TBC1D19: variants seen among roughly 807,000 people sequenced by gnomAD.
TBC1D19 encodes the protein TBC1 domain family member 19.
TBC1D19 carries 60 observed loss-of-function variants against 89.0 expected under a neutral mutation model. The ratio of observed to expected loss-of-function variants is 0.67; its 90% confidence interval spans 0.55 to 0.84. The LOEUF (loss-of-function observed/expected upper bound fraction) is 0.84. Ranked by LOEUF, TBC1D19 falls within the 40% of genes least tolerant of loss-of-function variation. The probability of loss-of-function intolerance (pLI) is 0.00; values close to 1 mark genes in which losing one functional copy is unlikely to be tolerated. For missense variants in TBC1D19, 500 were observed against 610.8 expected (o/e 0.82, Z 1.91); for synonymous variants, 189 against 199.7 (o/e 0.95, Z 0.45).
At chr4:26,599,913 A>G (rs1221438973) in intron 1 of TBC1D19, among the ~76,000 whole-genome samples, 2 of 128,346 alleles carry the variant, frequency 1.6e-5, no homozygotes, top group Non-Finnish European at 3.1e-5. Context: ...GCGCCACTGC[A>G]CTCCATCCTG....
intron 8 of TBC1D19, among the ~76,000 whole-genome samples, chr4:26,661,424 A>G (rs1215708356): frequency 6.6e-6 from 1 of 152,204 alleles, no homozygotes; most frequent in Non-Finnish European, 1.5e-5. Context: ...TTGGCTGGCT[A>G]TAAAATTGCC....
At chr4:26,603,839 A>C (rs1472773875) in intron 1 of TBC1D19, among the ~76,000 whole-genome samples, 2 of 152,266 alleles carry the variant, frequency 1.3e-5, no homozygotes. Flanking sequence ...CATTTTAATC[A>C]GTAAGTATAC....
At chr4:26,802,951 T>G in the TBC1D19 span, among the ~76,000 whole-genome samples, 1 of 152,334 alleles carries the variant, frequency 6.6e-6, no homozygotes, top group African/African-American at 2.4e-5. Flanking sequence ...TGTATCCTCA[T>G]GCGGTGGAGG....
chr4:26,742,953 A>T (rs767802415), intron 18 of TBC1D19, among the ~76,000 whole-genome samples: 7 of 152,154 alleles, frequency 4.6e-5, no homozygotes, highest in Admixed American at 6.5e-5. Context: ...TTAATTCAAT[A>T]TAGGCCACAT....
intron 5 of TBC1D19, among the ~76,000 whole-genome samples, chr4:26,638,534 C>A (rs1256880287): frequency 3.3e-5 from 5 of 152,022 alleles, no homozygotes; most frequent in Admixed American, 6.6e-5. Context: ...AGATCACTTA[C>A]CTTCTTTTAT....
At chr4:26,651,357 G>A (rs1744365470) in intron 7 of TBC1D19, among the ~76,000 whole-genome samples, 1 of 152,138 alleles carries the variant, frequency 6.6e-6, no homozygotes, top group Admixed American at 6.6e-5. Flanking sequence ...AGCATGGAAT[G>A]TTCTCCCATT....
At chr4:26,658,935 G>C (rs1241615741) in intron 7 of TBC1D19, among the ~76,000 whole-genome samples, 1 of 152,152 alleles carries the variant, frequency 6.6e-6, no homozygotes, top group Non-Finnish European at 1.5e-5. Flanking sequence ...CATTGATTTT[G>C]TATCCTGAAA....
chr4:26,799,959 CTG>C, the TBC1D19 span, among the ~76,000 whole-genome samples: 5 of 147,946 alleles, frequency 3.4e-5, no homozygotes, highest in African/African-American at 7.4e-5. Flanking sequence ...TTTTAAAAAA[CTG>C]TGTATAGATT....
chr4:26,673,446 T>C (rs5021141), intron 10 of TBC1D19, among the ~76,000 whole-genome samples: 44,402 of 91,580 alleles, frequency 0.48, 10,315 homozygotes, highest in Middle Eastern at 0.56. Flanking sequence ...TATATATATA[T>C]ACACACACAC....
intron 1 of TBC1D19, among the ~76,000 whole-genome samples, chr4:26,607,630 A>G (rs1741095689): frequency 6.6e-6 from 1 of 152,208 alleles, no homozygotes. Context: ...GATTCTGATA[A>G]GCCATATTCA....
At chr4:26,654,034 G>T (rs1025325809) in intron 7 of TBC1D19, among the ~76,000 whole-genome samples, 1 of 152,106 alleles carries the variant, frequency 6.6e-6, no homozygotes, top group African/African-American at 2.4e-5. Context: ...TCCATGTTTA[G>T]TGCTTCCTTC....
At chr4:26,709,888 C>T (rs78694125) in intron 13 of TBC1D19, among the ~76,000 whole-genome samples, 54 of 151,974 alleles carry the variant, frequency 3.6e-4, no homozygotes, top group East Asian at 1.6e-3. Context: ...TAGTTTTATT[C>T]GCCTTTTATA....
the TBC1D19 span, among the ~76,000 whole-genome samples, chr4:26,800,834 G>A: frequency 6.7e-5 from 10 of 149,790 alleles, no homozygotes; most frequent in South Asian, 2.1e-4. Context: ...CATATCCTTC[G>A]CCCACTTTTT....
the TBC1D19 span, among the ~76,000 whole-genome samples, chr4:26,851,343 A>ATCTGTCTGTCTG: frequency 1.3e-5 from 2 of 150,406 alleles, no homozygotes; most frequent in African/African-American, 5.0e-5. Context: ...CTATCTATCT[A>ATCTGTCTGTCTG]TCTATCTATC....
chr4:26,726,301 A>G (rs1717320097), intron 15 of TBC1D19, among the ~76,000 whole-genome samples: 1 of 152,220 alleles, frequency 6.6e-6, no homozygotes, highest in African/African-American at 2.4e-5. Flanking sequence ...TAAGGCTCTT[A>G]GAAGAAAAAT....
At chr4:26,817,981 A>AAAAATATATATATATATATATATAT in the TBC1D19 span, among the ~76,000 whole-genome samples, 1 of 126,080 alleles carries the variant, frequency 7.9e-6, no homozygotes, top group African/African-American at 3.7e-5. Context: ...AAAAAAAAAA[A>AAAAATATATATATATATATATATAT]ATATATATAT....
At chr4:26,735,005 T>C (rs113435837) in intron 15 of TBC1D19, among the ~76,000 whole-genome samples, 400 of 145,830 alleles carry the variant, frequency 2.7e-3, no homozygotes, top group African/African-American at 9.5e-3. Context: ...TGTATACACA[T>C]ATGTATATGT....
intron 19 of TBC1D19, among the ~76,000 whole-genome samples, chr4:26,749,764 G>A (rs1242226442): frequency 2.0e-5 from 3 of 152,042 alleles, no homozygotes; most frequent in Non-Finnish European, 2.9e-5. Flanking sequence ...ATTCTTGAAT[G>A]CTGAGAAGTC....
At chr4:26,583,139 A>G (rs1248869167), upstream of TBC1D19, among the ~76,000 whole-genome samples, 1 of 151,758 alleles carries the variant, frequency 6.6e-6, no homozygotes, top group African/African-American at 2.4e-5. Context: ...GCATATACAC[A>G]TTTGAACTCA....
Sources: allele counts gnomAD v4.1 joint callset (sites outside exome capture counted in the v4.1 genomes callset), GRCh38; gene constraint gnomAD v4.1.1; transcripts MANE v1.5; gene names NCBI Gene and HGNC (gene_info 2026-07-23, HGNC 2026-07-21).